Variants in UGGT2 observed in about 807,000 individuals in gnomAD.
UGGT2 encodes the protein UDP-glucose:glycoprotein glucosyltransferase 2.
In UGGT2, 180 loss-of-function variants were observed where a neutral mutation model predicts 192.1. That is an observed-to-expected ratio of 0.94 (90% CI 0.83 to 1.06). UGGT2 has a LOEUF of 1.06. Among genes scored for constraint, UGGT2 ranks in the 50% least tolerant of loss-of-function variants. UGGT2 has a pLI of 0.00. For synonymous variants in UGGT2, 580 were observed against 591.0 expected (o/e 0.98, Z 0.27); for missense variants, 1,849 against 1,795.7 (o/e 1.03, Z -0.54).
chr13:95,965,987 T>C (rs964446660), intron 12 of UGGT2, among the ~76,000 whole-genome samples: 7 of 152,208 alleles, frequency 4.6e-5, no homozygotes, highest in Admixed American at 1.3e-4. Context: ...ACTATGGAGA[T>C]TCCTCAAAAA....
At chr13:95,888,039 C>T (rs1725158874) in intron 25 of UGGT2, 68 bp from the exon 26 acceptor site, 1 of 1,089,370 alleles carries the variant, frequency 9.2e-7, no homozygotes, top group Non-Finnish European at 1.3e-6. Context: ...TATGTATTTA[C>T]TATGTACCAG....
At position 95,835,940 on chromosome 13, in the gene UGGT2, T is replaced by C. The variant is rs145394535; in HGVS notation, c.4401+1146A>G. 7.1e-3 allele frequency among the ~76,000 whole-genome samples: 1,083 copies of C among 152,328 alleles called. 17 individuals are homozygous for C. The highest frequency in any genetic ancestry group is 0.024 in the African/African-American group (1,017 of 41,576). ...TATATTTTAAGTAGACAAAATTGTCTTGTTTGCCTTTATTTGGGGGAAAAT... is the reference window on the plus strand; with the variant it reads ...TATATTTTAAGTAGACAAAATTGTCCTGTTTGCCTTTATTTGGGGGAAAAT... On this transcript the variant is annotated intron_variant, in intron 37 of 38. Coordinates refer to ENST00000376747, the MANE Select transcript of UGGT2 (RefSeq NM_020121.4).
At chr13:95,991,573 T>C (rs957418302) in intron 7 of UGGT2, 1 of 246,214 alleles carries the variant, frequency 4.1e-6, no homozygotes, top group African/African-American at 2.3e-5. Context: ...CTTACAGGTT[T>C]ACTACAATGT....
chr13:95,927,919 C>T (rs908408442), intron 17 of UGGT2, among the ~76,000 whole-genome samples: 34 of 152,090 alleles, frequency 2.2e-4, no homozygotes, highest in Middle Eastern at 3.2e-3. Flanking sequence ...CATCTTGCAC[C>T]GCCCTTAATC....
At position 95,894,645 on chromosome 13, in the gene UGGT2, A is replaced by G; in HGVS notation, c.2772T>C (p.Phe924=). 6.2e-7 allele frequency: 1 copy of G among 1,611,986 alleles called. No individual in the cohort carries two copies. Among genetic ancestry groups the G allele is most frequent in the East Asian group, 2.2e-5 (1 of 44,798 alleles). The stretch of plus-strand genomic sequence containing the variant: ...ACATAAGGGCATCAACTTTCATAAT[A>G]AAGTCACTCATGCTAGATAAACAAG... The part of the protein sequence containing the change: ...MGINANNMSD[F]IMKVDALMSS... The change falls in exon 24 of 39, where the codon TTT becomes TTC. Residue 924 remains phenylalanine (F), a synonymous_variant. Transcript: ENST00000376747.
chr13:95,812,651 G>T (rs1884639520), intron 38 of UGGT2, among the ~76,000 whole-genome samples: 1 of 152,022 alleles, frequency 6.6e-6, no homozygotes, highest in South Asian at 2.1e-4. Flanking sequence ...TTGGTGGGAG[G>T]TGGTTTGGCT....
intron 1 of UGGT2, among the ~76,000 whole-genome samples, chr13:96,051,550 G>C (rs1342640135): frequency 6.6e-6 from 1 of 151,606 alleles, no homozygotes; most frequent in African/African-American, 2.4e-5. Flanking sequence ...AGAGTAAACA[G>C]ACAACCCACA....
chr13:95,872,981 T>A (rs1401863336), intron 29 of UGGT2, among the ~76,000 whole-genome samples: 1 of 152,206 alleles, frequency 6.6e-6, no homozygotes, highest in Non-Finnish European at 1.5e-5. Context: ...GATTATTCCC[T>A]TTTGTAATGA....
At chr13:96,024,105 C>A (rs1472852556) in intron 2 of UGGT2, among the ~76,000 whole-genome samples, 1 of 152,120 alleles carries the variant, frequency 6.6e-6, no homozygotes, top group African/African-American at 2.4e-5. Flanking sequence ...TTAAGAACAG[C>A]AGAAAAGTTA....
At chr13:95,856,003 T>A (rs1264733629) in intron 34 of UGGT2, among the ~76,000 whole-genome samples, 155 bp downstream of exon 34, 1 of 152,222 alleles carries the variant, frequency 6.6e-6, no homozygotes, top group Admixed American at 6.5e-5. Context: ...ATTCTGACTT[T>A]TTGTTTTTAA....
intron 20 of UGGT2, among the ~76,000 whole-genome samples, chr13:95,922,227 C>T (rs1234306233): frequency 6.6e-6 from 1 of 152,172 alleles, no homozygotes; most frequent in South Asian, 2.1e-4. Flanking sequence ...GCTGCGTGTT[C>T]TCACTTATGT....
chr13:95,967,138 G>A (rs948650684), intron 12 of UGGT2, among the ~76,000 whole-genome samples: 4 of 151,682 alleles, frequency 2.6e-5, no homozygotes, highest in East Asian at 1.9e-4. Flanking sequence ...ATCGTTATAA[G>A]GGCACCACAG....
At chr13:96,013,891 A>T (rs981027039) in intron 4 of UGGT2, among the ~76,000 whole-genome samples, 2 of 152,204 alleles carry the variant, frequency 1.3e-5, no homozygotes, top group African/African-American at 4.8e-5. Flanking sequence ...AGTACTTAGT[A>T]TGAACAAGTA....
chr13:95,968,478 A>G (rs2050660425), intron 12 of UGGT2, among the ~76,000 whole-genome samples: 1 of 152,148 alleles, frequency 6.6e-6, no homozygotes, highest in African/African-American at 2.4e-5. Flanking sequence ...AGGGCCTGAT[A>G]GGACGTGTTG....
At chr13:95,882,416 T>C (rs1041618578) in intron 27 of UGGT2, among the ~76,000 whole-genome samples, 3 of 152,236 alleles carry the variant, frequency 2.0e-5, no homozygotes, top group Non-Finnish European at 2.9e-5. Flanking sequence ...AAATCTCTCA[T>C]TGTTATCTCA....
At chr13:95,983,457 TC>T in intron 10 of UGGT2, 1 of 373,076 alleles carries the variant, frequency 2.7e-6, no homozygotes, top group Admixed American at 3.8e-5. Flanking sequence ...ATTCTACCGT[TC>T]CAGTGGTCTA....
At chr13:95,860,720 T>A in intron 32 of UGGT2, 68 bp downstream of exon 32, 2 of 905,020 alleles carry the variant, frequency 2.2e-6, no homozygotes, top group Non-Finnish European at 3.1e-6. Flanking sequence ...TATTCCTTTA[T>A]TTTTTTTTGA....
intron 8 of UGGT2, among the ~76,000 whole-genome samples, chr13:95,988,224 T>A (rs554291241): frequency 6.6e-6 from 1 of 152,232 alleles, no homozygotes; most frequent in Non-Finnish European, 1.5e-5. Flanking sequence ...AAAAGTCCCT[T>A]TATTAAACTT....
At chr13:95,869,185 G>A (rs1467553161) in intron 29 of UGGT2, among the ~76,000 whole-genome samples, 1 of 151,854 alleles carries the variant, frequency 6.6e-6, no homozygotes, top group African/African-American at 2.4e-5. Flanking sequence ...ATGGTTTCCA[G>A]CTTCATCCAT....
Sources: gnomAD v4.1 joint callset for allele counts (sites outside exome capture counted in the v4.1 genomes callset) on GRCh38, gnomAD v4.1.1 for gene constraint, MANE v1.5 for transcripts, NCBI Gene and HGNC (gene_info 2026-07-23, HGNC 2026-07-21) for gene names.